KCNQ5: variants seen among roughly 807,000 people sequenced by gnomAD.
The protein encoded by KCNQ5 is potassium voltage-gated channel subfamily KQT member 5.
Under a neutral mutation model 98.2 loss-of-function variants are expected in KCNQ5, and 30 were observed. The observed-to-expected ratio is 0.31, with a 90% CI of 0.23 to 0.41. KCNQ5 has a LOEUF of 0.41. KCNQ5 is among the 10% of genes least tolerant of loss of function. The pLI, the probability that KCNQ5 is intolerant of heterozygous loss-of-function variation, is 1.00. For missense variants in KCNQ5, 835 were observed against 1,182.5 expected (o/e 0.71, Z 4.31); for synonymous variants, 458 against 449.4 (o/e 1.02, Z -0.24).
intron 1 of KCNQ5, among the ~76,000 whole-genome samples, chr6:72,676,407 T>A (rs771756211): frequency 6.6e-6 from 1 of 152,144 alleles, no homozygotes; most frequent in African/African-American, 2.4e-5. Context: ...TTTTACTGAG[T>A]CAGAATATGC....
intron 1 of KCNQ5, among the ~76,000 whole-genome samples, chr6:72,934,345 TTGA>T (rs1765810324): frequency 6.6e-6 from 1 of 152,138 alleles, no homozygotes. Flanking sequence ...GATAATGATG[TTGA>T]TGACGGTGGT....
At chr6:72,899,601 G>A (rs754785632) in intron 1 of KCNQ5, among the ~76,000 whole-genome samples, 1 of 151,896 alleles carries the variant, frequency 6.6e-6, no homozygotes, top group Non-Finnish European at 1.5e-5. Context: ...TACTTATTAG[G>A]TCAAACATAT....
At chr6:73,094,078 G>C (rs142162406) in intron 5 of KCNQ5, among the ~76,000 whole-genome samples, 51 of 152,082 alleles carry the variant, frequency 3.4e-4, no homozygotes, top group Non-Finnish European at 7.4e-4. Flanking sequence ...TTATAAATTT[G>C]ATAGTTCCAG....
intron 1 of KCNQ5, among the ~76,000 whole-genome samples, chr6:72,796,025 A>G (rs1314104082): frequency 6.6e-6 from 1 of 152,152 alleles, no homozygotes; most frequent in Non-Finnish European, 1.5e-5. Flanking sequence ...AGAAATCCAA[A>G]GTGAACCCCA....
intron 1 of KCNQ5, among the ~76,000 whole-genome samples, chr6:72,859,160 CACAG>C (rs1436992894): frequency 6.6e-6 from 1 of 152,114 alleles, no homozygotes; most frequent in Non-Finnish European, 1.5e-5. Context: ...TCTGATATGA[CACAG>C]ACAGTTTTAT....
At chr6:72,657,659 AT>A (rs1443234859) in intron 1 of KCNQ5, among the ~76,000 whole-genome samples, 2 of 152,168 alleles carry the variant, frequency 1.3e-5, no homozygotes, top group East Asian at 1.9e-4. Context: ...AGACTATAAA[AT>A]TTTTTTCCTC....
chr6:72,943,598 AGAGT>A (rs1420847620), intron 1 of KCNQ5, among the ~76,000 whole-genome samples: 4 of 152,258 alleles, frequency 2.6e-5, no homozygotes, highest in Non-Finnish European at 2.9e-5. Context: ...TTTATTACTA[AGAGT>A]GAGTTAAATA....
intron 10 of KCNQ5, among the ~76,000 whole-genome samples, chr6:73,162,657 C>T (rs1280732559): frequency 2.0e-5 from 3 of 152,198 alleles, no homozygotes; most frequent in South Asian, 4.1e-4. Context: ...ATAAGAAAGA[C>T]ATTTAATGTG....
At chr6:72,736,225 G>A (rs1204951025) in intron 1 of KCNQ5, among the ~76,000 whole-genome samples, 1 of 151,926 alleles carries the variant, frequency 6.6e-6, no homozygotes, top group Non-Finnish European at 1.5e-5. Flanking sequence ...CTATTCCCAG[G>A]AGTATAACCC....
At chr6:73,029,819 G>A (rs1562136259) in intron 2 of KCNQ5, among the ~76,000 whole-genome samples, 3 of 149,056 alleles carry the variant, frequency 2.0e-5, no homozygotes, top group Non-Finnish European at 4.4e-5. Context: ...GCTGAGGCAG[G>A]AGAATGGCGT....
chr6:73,059,926 A>G (rs1169695725), intron 3 of KCNQ5, among the ~76,000 whole-genome samples: 1 of 152,200 alleles, frequency 6.6e-6, no homozygotes, highest in Non-Finnish European at 1.5e-5. Flanking sequence ...ATTTTTAGAA[A>G]GTCCTTATTC....
At chr6:72,911,639 G>A (rs1427310093) in intron 1 of KCNQ5, among the ~76,000 whole-genome samples, 3 of 152,088 alleles carry the variant, frequency 2.0e-5, no homozygotes, top group Non-Finnish European at 4.4e-5. Flanking sequence ...TATGACAGCA[G>A]AAAATCCAAT....
intron 11 of KCNQ5, among the ~76,000 whole-genome samples, chr6:73,176,239 G>C (rs968251057): frequency 6.6e-6 from 1 of 152,192 alleles, no homozygotes; most frequent in Admixed American, 6.5e-5. Flanking sequence ...CATGGGGGCG[G>C]ATTTCCCCCT....
intron 1 of KCNQ5, among the ~76,000 whole-genome samples, chr6:72,948,466 A>G (rs1360286906): frequency 6.6e-6 from 1 of 151,886 alleles, no homozygotes; most frequent in Non-Finnish European, 1.5e-5. Flanking sequence ...TCTCTGTTCC[A>G]TGAGAGAAAG....
chr6:72,772,319 G>A (rs1383967964), intron 1 of KCNQ5, among the ~76,000 whole-genome samples: 2 of 152,052 alleles, frequency 1.3e-5, no homozygotes, highest in Admixed American at 6.6e-5. Flanking sequence ...CCTATTTTAT[G>A]ACAAAGTGCC....
At chr6:72,779,827 G>C (rs1321061985) in intron 1 of KCNQ5, among the ~76,000 whole-genome samples, 2 of 6,526 alleles carry the variant, frequency 3.1e-4, no homozygotes, top group African/African-American at 2.5e-3. Flanking sequence ...TTTTCTGTGT[G>C]TGTGTGTGTG....
chr6:73,069,829 T>TA (rs1773226767), intron 3 of KCNQ5, among the ~76,000 whole-genome samples: 1 of 152,194 alleles, frequency 6.6e-6, no homozygotes. Flanking sequence ...AGGCCTTTTT[T>TA]AAATCACAGA....
At chr6:73,107,141 G>A (rs2066368) in intron 6 of KCNQ5, among the ~76,000 whole-genome samples, 143,064 of 152,230 alleles carry the variant, frequency 0.94, 67,289 homozygotes, top group South Asian at 0.98. Flanking sequence ...AATAATTGCA[G>A]CTTTTGTGTT....
At chr6:73,034,573 C>T (rs1019968546) in intron 2 of KCNQ5, among the ~76,000 whole-genome samples, 1 of 152,166 alleles carries the variant, frequency 6.6e-6, no homozygotes, top group Non-Finnish European at 1.5e-5. Flanking sequence ...GGTACATGAG[C>T]TTTTAAGCAT....
Sources: allele counts gnomAD v4.1 joint callset (sites outside exome capture counted in the v4.1 genomes callset), GRCh38; gene constraint gnomAD v4.1.1; transcripts MANE v1.5; gene names NCBI Gene and HGNC (gene_info 2026-07-23, HGNC 2026-07-21).